The following PRKCE variants were observed in gnomAD, a reference collection of about 807,000 sequenced individuals.
PRKCE encodes protein kinase C epsilon, also known as protein kinase C epsilon type.
A neutral mutation model predicts 85.4 loss-of-function variants in PRKCE; 16 were observed. The observed-to-expected ratio is 0.19, with a 90% confidence interval of 0.13 to 0.28. PRKCE has a LOEUF of 0.28. PRKCE is among the 10% of genes least tolerant of loss of function. The probability of loss-of-function intolerance (pLI) is 1.00; values close to 1 mark genes in which losing one functional copy is unlikely to be tolerated. For missense variants in PRKCE, 573 were observed against 975.2 expected (o/e 0.59, Z 5.49); for synonymous variants, 388 against 371.5 (o/e 1.04, Z -0.51).
intron 14 of PRKCE, among the ~76,000 whole-genome samples, chr2:46,180,215 AG>A (rs898121786): frequency 1.3e-5 from 2 of 152,092 alleles, no homozygotes; most frequent in Non-Finnish European, 2.9e-5. Context: ...ATGTACATGG[AG>A]GTGGGGAAAT....
chr2:45,949,897 T>G lies in PRKCE; in HGVS notation c.413-26532T>G, dbSNP rs574923730. Among the ~76,000 whole-genome samples, 284 of 151,848 alleles carry G rather than the reference T, an allele frequency of 1.9e-3. 4 individuals are homozygous for G. Among genetic ancestry groups the G allele is most frequent in the African/African-American group, 6.6e-3 (275 of 41,450 alleles). On this transcript the variant is annotated intron_variant, in intron 2 of 14. Coordinates refer to ENST00000306156, the MANE Select transcript of PRKCE (RefSeq NM_005400.3). ...CTTCATTCTTTGTTGTTTTTTTTTTTAAAGAAAACTCAGTCCAAATATTCT... is the reference window on the plus strand; with the variant it reads ...CTTCATTCTTTGTTGTTTTTTTTTTGAAAGAAAACTCAGTCCAAATATTCT...
chr2:46,164,725 C>T (rs1376736620), intron 14 of PRKCE: 1 of 152,256 alleles, frequency 6.6e-6, no homozygotes, highest in Admixed American at 6.5e-5. Context: ...AGCTCCTGAC[C>T]CTCTCCACTC....
intron 2 of PRKCE, among the ~76,000 whole-genome samples, chr2:45,904,744 A>C (rs565453775): frequency 9.4e-4 from 143 of 152,348 alleles, no homozygotes; most frequent in African/African-American, 3.1e-3. Flanking sequence ...CACCTGTCCC[A>C]GATGCGCTCC....
At chr2:45,800,015 G>A (rs2105172569) in intron 1 of PRKCE, among the ~76,000 whole-genome samples, 1 of 152,356 alleles carries the variant, frequency 6.6e-6, no homozygotes, top group East Asian at 1.9e-4. Context: ...GAGGAGGAAG[G>A]CTGATATGTG....
In PRKCE at chr2:45,757,305, CAAAAAAAAAAAAAAAAA is replaced by C. The variant is rs35603923; in HGVS notation, c.349-85684_349-85668del. 2.9e-3 allele frequency among the ~76,000 whole-genome samples: 145 copies of C among 50,820 alleles called. 1 individual carries two copies. The highest frequency in any genetic ancestry group is 8.0e-3 in the Admixed American group (27 of 3,392). 33.3% of individuals were successfully genotyped at this position (50,820 alleles called of 152,430 possible). A position where few individuals can be genotyped will look rare whatever the true frequency, so the allele number is the denominator to read the frequency against. ...TTGGGCAACAGAGTGAGACTGTCTC[CAAAAAAAAAAAAAAAAA>C]AAAAAAAAAAGAGTGTTCAATTGAT... On this transcript the variant is annotated intron_variant, in intron 1 of 14. Transcript: ENST00000306156.
At chr2:45,870,759 G>T (rs1558775866) in intron 2 of PRKCE, among the ~76,000 whole-genome samples, 1 of 152,194 alleles carries the variant, frequency 6.6e-6, no homozygotes, top group Admixed American at 6.5e-5. Context: ...TTCTTTAATG[G>T]TTCTAAATAT....
chr2:46,093,081 A>G (rs1428825789), intron 11 of PRKCE, among the ~76,000 whole-genome samples: 1 of 152,232 alleles, frequency 6.6e-6, no homozygotes, highest in Non-Finnish European at 1.5e-5. Flanking sequence ...CCCAGAGAGC[A>G]TCGTTCTTAG....
In PRKCE at chr2:45,846,586, T is replaced by C. The variant is rs183467043; in HGVS notation, c.412+3523T>C. 2.5e-4 allele frequency among the ~76,000 whole-genome samples: 38 copies of C among 152,212 alleles called. No individual in the cohort carries two copies. In the South Asian group the frequency reaches 5.4e-3, roughly 22 times the overall value. ...GCAGATAAGTCAAGTTCTGGAGGGATTGCATATTGTGGAAGCAGAAGAGCA... is the reference window on the plus strand; with the variant it reads ...GCAGATAAGTCAAGTTCTGGAGGGACTGCATATTGTGGAAGCAGAAGAGCA... On this transcript the variant is annotated intron_variant, in intron 2 of 14. Coordinates refer to ENST00000306156, the MANE Select transcript of PRKCE (RefSeq NM_005400.3).
intron 14 of PRKCE, among the ~76,000 whole-genome samples, chr2:46,173,275 G>A (rs1379983247): frequency 6.6e-6 from 1 of 152,222 alleles, no homozygotes; most frequent in Non-Finnish European, 1.5e-5. Flanking sequence ...ATTTACACAA[G>A]TTCATGCTGC....
rs1704693413 is a variant in PRKCE at position 46,001,680 on chromosome 2, A to C, written c.966+134A>C. 9.5e-7 allele frequency: 1 copy of C among 1,052,806 alleles called. No individual in the cohort carries two copies. The highest frequency in any genetic ancestry group is 1.3e-6 in the Non-Finnish European group (1 of 794,636). The allele number at this position is 1,052,806 out of a possible 1,614,324, so 65.2% of individuals were successfully genotyped here. ...TATTTTACTCAGAACTGCAGTACTT[A>C]AAGAAAAAAACAAAGATAGAAGCCA... On this transcript the variant is annotated intron_variant, in intron 7 of 14. Coordinates refer to ENST00000306156, the MANE Select transcript of PRKCE (RefSeq NM_005400.3). The surrounding 1 kb of genome is among the most constrained non-coding windows in gnomAD (Gnocchi z 4.4).
chr2:45,942,582 C>G (rs1016650605), intron 2 of PRKCE, among the ~76,000 whole-genome samples: 1 of 152,172 alleles, frequency 6.6e-6, no homozygotes, highest in Non-Finnish European at 1.5e-5. Context: ...AGGGTGTGCA[C>G]TCAGTAAATT....
intron 2 of PRKCE, among the ~76,000 whole-genome samples, chr2:45,871,664 T>A (rs865920198): frequency 6.6e-6 from 1 of 152,156 alleles, no homozygotes; most frequent in African/African-American, 2.4e-5. Context: ...ACAAACCCCA[T>A]CCTGAGGGTA....
At chr2:45,709,612 G>GGT (rs1679432516) in intron 1 of PRKCE, among the ~76,000 whole-genome samples, 2 of 152,214 alleles carry the variant, frequency 1.3e-5, no homozygotes, top group African/African-American at 4.8e-5. Context: ...CTGCCTTAGT[G>GGT]TGACTGCTGC....
intron 1 of PRKCE, among the ~76,000 whole-genome samples, chr2:45,784,005 T>TCA (rs964904060): frequency 6.6e-6 from 1 of 152,238 alleles, no homozygotes; most frequent in African/African-American, 2.4e-5. Flanking sequence ...GTCAGTTCAG[T>TCA]CACACACACA....
chr2:45,673,157 C>G (rs1676259015), intron 1 of PRKCE, among the ~76,000 whole-genome samples: 1 of 152,150 alleles, frequency 6.6e-6, no homozygotes, highest in Non-Finnish European at 1.5e-5. Flanking sequence ...TCTGGAGTGT[C>G]AGGATACTTT....
chr2:46,073,359 T>C (rs2103756736), intron 10 of PRKCE: 1 of 152,376 alleles, frequency 6.6e-6, no homozygotes, highest in Non-Finnish European at 1.5e-5. Context: ...CCAAATCTCC[T>C]TCCAATGTGG....
At chr2:45,985,710 A>T (rs1257135092) in intron 6 of PRKCE, among the ~76,000 whole-genome samples, 1 of 152,166 alleles carries the variant, frequency 6.6e-6, no homozygotes, top group Non-Finnish European at 1.5e-5. Context: ...GATTTATTGG[A>T]TGTAGTGACC....
intron 1 of PRKCE, among the ~76,000 whole-genome samples, chr2:45,732,976 G>A (rs1247013557): frequency 2.6e-5 from 4 of 152,188 alleles, no homozygotes; most frequent in African/African-American, 4.8e-5. Flanking sequence ...TTTTAGCTTT[G>A]CGGGCCACAG....
chr2:45,963,772 C>T (rs1358937570), intron 2 of PRKCE, among the ~76,000 whole-genome samples: 1 of 152,268 alleles, frequency 6.6e-6, no homozygotes, highest in African/African-American at 2.4e-5. Flanking sequence ...CCTGCCGGGA[C>T]TCCAGATCTC....
Sources: allele counts gnomAD v4.1 joint callset (sites outside exome capture counted in the v4.1 genomes callset), GRCh38; gene constraint gnomAD v4.1.1; non-coding constraint Gnocchi (gnomAD v3.1); transcripts MANE v1.5; gene names NCBI Gene and HGNC (gene_info 2026-07-23, HGNC 2026-07-21).